STAC: variants seen among roughly 807,000 people sequenced by gnomAD.
The protein encoded by STAC is SH3 and cysteine-rich domain-containing protein.
STAC carries 43 observed loss-of-function variants against 48.8 expected under a neutral mutation model. The ratio of observed to expected loss-of-function variants is 0.88; its 90% CI spans 0.69 to 1.14. STAC has a LOEUF of 1.14. Ranked by LOEUF, STAC falls within the 50% of genes most tolerant of loss-of-function variation. The probability of loss-of-function intolerance (pLI) is 0.00; values close to 1 mark genes in which losing one functional copy is unlikely to be tolerated. For synonymous variants in STAC, 193 were observed against 179.5 expected (o/e 1.07, Z -0.60); for missense variants, 497 against 504.0 (o/e 0.99, Z 0.13).
In STAC at chr3:36,547,714, A is replaced by G. The variant is rs1166467401; in HGVS notation, c.*1425A>G. 1 of 152,330 alleles carries G rather than the reference A, an allele frequency of 6.6e-6. No homozygotes were observed. Among genetic ancestry groups the G allele is most frequent in the Admixed American group, 6.5e-5 (1 of 15,276 alleles). The allele number at this position is 152,330 out of a possible 1,614,324, so 9.4% of individuals were successfully genotyped here. A position where few individuals can be genotyped will look rare whatever the true frequency, so the allele number is the denominator to read the frequency against. On this transcript the variant is annotated 3_prime_UTR_variant, in exon 11 of 11. Coordinates refer to ENST00000273183, the MANE Select transcript of STAC (RefSeq NM_003149.3). ...ACCAAAGCATCATTCATCTCCATTT[A>G]TTTCTTTTGTTCCCGCTCAGTGTGA...
chr3:36,416,066 C>G (rs1044841989), intron 1 of STAC, among the ~76,000 whole-genome samples: 4 of 152,094 alleles, frequency 2.6e-5, no homozygotes, highest in Non-Finnish European at 5.9e-5. Context: ...GCTCTTTATT[C>G]TGGTTCCTTT....
intron 2 of STAC, among the ~76,000 whole-genome samples, chr3:36,446,508 G>C (rs2125670027): frequency 6.6e-6 from 1 of 152,328 alleles, no homozygotes; most frequent in South Asian, 2.1e-4. Context: ...CAGCTTCACT[G>C]TGTATCACCT....
chr3:36,407,013 C>T (rs1163244228), intron 1 of STAC, among the ~76,000 whole-genome samples: 10 of 152,228 alleles, frequency 6.6e-5, no homozygotes, highest in Non-Finnish European at 1.5e-4. Context: ...TCTAAATTCA[C>T]GTTCCTCATC....
intron 2 of STAC, among the ~76,000 whole-genome samples, chr3:36,482,267 A>ACAC (rs1364558548): frequency 6.6e-6 from 1 of 152,106 alleles, no homozygotes; most frequent in East Asian, 1.9e-4. Flanking sequence ...TGAAGCCCCC[A>ACAC]CACCCTGCCC....
chr3:36,481,795 G>A (rs929791463), intron 2 of STAC, among the ~76,000 whole-genome samples: 11 of 152,182 alleles, frequency 7.2e-5, no homozygotes, highest in South Asian at 2.1e-4. Context: ...GGCCACCCAC[G>A]TCTCTTATTT....
Position 36,505,853 on chromosome 3 carries a change from G to T in STAC, c.920+19G>T. On this transcript the variant is annotated intron_variant, in intron 8 of 10. Coordinates refer to ENST00000273183, the MANE Select transcript of STAC (RefSeq NM_003149.3). ...AAATGAGGTAAAAACCTTCTGTAAA[G>T]AAAAAAAAGAGTAAAATTTTAAAGT... 6.6e-7 allele frequency: 1 copy of T among 1,523,438 alleles called. No individual in the cohort carries two copies. Among genetic ancestry groups the T allele is most frequent in the Non-Finnish European group, 8.9e-7 (1 of 1,119,488 alleles). The allele number at this position is 1,523,438 out of a possible 1,614,324, so 94.4% of individuals were successfully genotyped here.
At position 36,380,639 on chromosome 3, in the gene STAC, C is replaced by A. The variant is rs748971296; in HGVS notation, c.-5C>A. The A allele has an allele frequency of 6.3e-7, 1 of 1,581,694 alleles. No individual in the cohort carries two copies. Among genetic ancestry groups the A allele is most frequent in the East Asian group, 2.3e-5 (1 of 43,256 alleles). ...GGAGCCCAACACCGTTCCCGCGCGG[C>A]CACGATGATCCCTCCGAGCAGCCCC... On this transcript the variant is annotated 5_prime_UTR_variant, in exon 1 of 11. Coordinates refer to ENST00000273183, the MANE Select transcript of STAC (RefSeq NM_003149.3).
At chr3:36,545,580 T>C (rs932415383) in intron 10 of STAC, among the ~76,000 whole-genome samples, 13 of 152,228 alleles carry the variant, frequency 8.5e-5, no homozygotes, top group African/African-American at 3.1e-4. Flanking sequence ...TCCACCCTTC[T>C]ATGCCCTTCA....
chr3:36,483,743 G>A (rs1697721199), intron 3 of STAC, among the ~76,000 whole-genome samples: 1 of 152,186 alleles, frequency 6.6e-6, no homozygotes, highest in Non-Finnish European at 1.5e-5. Flanking sequence ...CTTAAGCCCA[G>A]GAGTTCGAGA....
chr3:36,497,616 C>T (rs1327017590), intron 6 of STAC, among the ~76,000 whole-genome samples: 2 of 151,900 alleles, frequency 1.3e-5, no homozygotes, highest in Non-Finnish European at 2.9e-5. Context: ...CAAAAGATAC[C>T]CTTAGGATCA....
intron 5 of STAC, among the ~76,000 whole-genome samples, chr3:36,492,572 T>C (rs1021339449): frequency 6.6e-6 from 1 of 152,092 alleles, no homozygotes; most frequent in African/African-American, 2.4e-5. Context: ...CTATTTAGAG[T>C]GTGTTATTGT....
intron 2 of STAC, among the ~76,000 whole-genome samples, chr3:36,449,235 C>T (rs1028263642): frequency 7.2e-5 from 11 of 152,310 alleles, no homozygotes; most frequent in African/African-American, 2.6e-4. Flanking sequence ...CACACATTAG[C>T]ATTTTGAAGT....
rs146378716 is a variant in STAC at position 36,415,150 on chromosome 3, C to T, written c.112-28214C>T. On this transcript the variant is annotated intron_variant, in intron 1 of 10. Coordinates refer to ENST00000273183, the MANE Select transcript of STAC (RefSeq NM_003149.3). ...CTTGAGGAGGCAGTCTGTCGGTTCT[C>T]GGATCTCAAGCTGCGTACTGGGAGA... is the stretch of plus-strand genomic sequence containing the variant. Among the ~76,000 whole-genome samples the T allele has an allele frequency of 4.0e-3, 607 of 152,312 alleles. 5 individuals carry two copies. Among genetic ancestry groups the T allele is most frequent in the African/African-American group, 0.013 (559 of 41,566 alleles).
At chr3:36,412,031 TAACA>T (rs962940464) in intron 1 of STAC, among the ~76,000 whole-genome samples, 18 of 152,208 alleles carry the variant, frequency 1.2e-4, no homozygotes, top group African/African-American at 3.9e-4. Flanking sequence ...TGACTAAAAG[TAACA>T]GACAGAAAAA....
intron 6 of STAC, among the ~76,000 whole-genome samples, chr3:36,498,254 C>T (rs536439464): frequency 4.2e-4 from 64 of 152,078 alleles, no homozygotes; most frequent in Admixed American, 7.9e-4. Context: ...AATAGAACTT[C>T]GAGAATTTTT....
chr3:36,466,516 A>T (rs1697176386), intron 2 of STAC, among the ~76,000 whole-genome samples: 1 of 152,170 alleles, frequency 6.6e-6, no homozygotes, highest in South Asian at 2.1e-4. Flanking sequence ...CCCAATATTG[A>T]TTAAACCCAT....
At chr3:36,430,567 C>T (rs572768003) in intron 1 of STAC, among the ~76,000 whole-genome samples, 1 of 152,342 alleles carries the variant, frequency 6.6e-6, no homozygotes, top group African/African-American at 2.4e-5. Flanking sequence ...GAAATATCCT[C>T]AGTGCAGCTC....
At chr3:36,485,724 T>G (rs986065636) in intron 4 of STAC, 1 of 153,808 alleles carries the variant, frequency 6.5e-6, no homozygotes, top group African/African-American at 2.4e-5. Context: ...TAATTAGAAA[T>G]TAATGAAGCC....
chr3:36,520,086 G>C (rs952378853), intron 8 of STAC, among the ~76,000 whole-genome samples: 2 of 152,048 alleles, frequency 1.3e-5, no homozygotes, highest in African/African-American at 4.8e-5. Flanking sequence ...CATGTTTTTT[G>C]CCCATTTCAA....
Sources: gnomAD v4.1 joint callset for allele counts (sites outside exome capture counted in the v4.1 genomes callset) on GRCh38, gnomAD v4.1.1 for gene constraint, MANE v1.5 for transcripts, NCBI Gene and HGNC (gene_info 2026-07-23, HGNC 2026-07-21) for gene names.